Variants in CEP63 observed in about 807,000 individuals in gnomAD.
CEP63 encodes the protein centrosomal protein 63.
A neutral mutation model predicts 89.1 loss-of-function variants in CEP63; 84 were observed. The observed-to-expected ratio is 0.94, with a 90% CI of 0.79 to 1.13. CEP63 has a LOEUF of 1.13. Among genes scored for constraint, CEP63 ranks in the 50% most tolerant of loss-of-function variants. CEP63 has a pLI of 0.00. For synonymous variants in CEP63, 267 were observed against 272.5 expected (o/e 0.98, Z 0.20); for missense variants, 838 against 813.3 (o/e 1.03, Z -0.37).
intron 2 of CEP63, among the ~76,000 whole-genome samples, chr3:134,501,656 G>A (rs71331764): frequency 1.9e-3 from 295 of 152,132 alleles, no homozygotes; most frequent in South Asian, 8.3e-3. Context: ...TAGAAATGCT[G>A]CTGATTTTTG....
At chr3:134,745,836 C>A in the CEP63 span, among the ~76,000 whole-genome samples, 1 of 151,710 alleles carries the variant, frequency 6.6e-6, no homozygotes, top group Non-Finnish European at 1.5e-5. Context: ...CCAGCGTCAC[C>A]CATGTCCCTG....
At chr3:134,738,697 A>G in the CEP63 span, among the ~76,000 whole-genome samples, 1 of 152,110 alleles carries the variant, frequency 6.6e-6, no homozygotes, top group South Asian at 2.1e-4. Context: ...GTGCACAAAA[A>G]TCTCACAAAT....
the CEP63 span, among the ~76,000 whole-genome samples, chr3:134,674,322 T>C: frequency 6.6e-6 from 1 of 152,174 alleles, no homozygotes; most frequent in Non-Finnish European, 1.5e-5. Context: ...ACCATATTAA[T>C]AGAATAAGGA....
the CEP63 span, among the ~76,000 whole-genome samples, chr3:134,709,042 A>G: frequency 6.6e-6 from 1 of 152,178 alleles, no homozygotes; most frequent in Non-Finnish European, 1.5e-5. Context: ...TGTCCTGTGG[A>G]CACATATAAG....
chr3:134,651,483 C>A, the CEP63 span: 1 of 1,007,308 alleles, frequency 9.9e-7, no homozygotes, highest in Non-Finnish European at 1.2e-6. Context: ...AGCAAAGGGG[C>A]TCCAGATTGA....
chr3:134,679,016 A>G, the CEP63 span, among the ~76,000 whole-genome samples: 45,804 of 151,436 alleles, frequency 0.3, 7,533 homozygotes, highest in African/African-American at 0.44. Context: ...CTGGTGATGT[A>G]TAGACCCATT....
At chr3:134,745,797 C>G in the CEP63 span, among the ~76,000 whole-genome samples, 1 of 151,146 alleles carries the variant, frequency 6.6e-6, no homozygotes, top group South Asian at 2.1e-4. Flanking sequence ...AGTTTTCTGT[C>G]CTTGTGAGTT....
chr3:134,643,307 A>G, the CEP63 span: 2 of 1,613,586 alleles, frequency 1.2e-6, no homozygotes, highest in Admixed American at 3.3e-5. Flanking sequence ...CTAGCGGCGA[A>G]TCACTTACCT....
rs1487298037 is a variant in CEP63, at chr3:134,563,565, G to A, written c.*2030G>A. On this transcript the variant is annotated 3_prime_UTR_variant, in exon 15 of 15. Transcript: ENST00000675561. ...AGCTTCCCGAGTAGCTGGGATTACA[G>A]GCGCATGCCACCAGGCCCAGCTAAT... The A allele has an allele frequency of 6.6e-6, 1 of 152,266 alleles. No individual in the cohort carries two copies. Among genetic ancestry groups the A allele is most frequent in the Admixed American group, 6.5e-5 (1 of 15,276 alleles). The allele number at this position is 152,266 out of a possible 1,614,324, so 9.4% of individuals were successfully genotyped here.
intron 12 of CEP63, among the ~76,000 whole-genome samples, chr3:134,557,930 C>G (rs1956560501): frequency 6.6e-6 from 1 of 152,160 alleles, no homozygotes; most frequent in African/African-American, 2.4e-5. Context: ...CCTTGCCACA[C>G]AAGGAAGCCC....
chr3:134,730,902 C>T, the CEP63 span, among the ~76,000 whole-genome samples: 1 of 151,906 alleles, frequency 6.6e-6, no homozygotes, highest in Non-Finnish European at 1.5e-5. Context: ...GCAAGAGCTA[C>T]ATTGAAGTCA....
chr3:134,606,890 C>A, the CEP63 span: 1 of 982,848 alleles, frequency 1.0e-6, no homozygotes, highest in East Asian at 1.1e-4. Context: ...TATCTAGGTG[C>A]CCTCTTCCTT....
the CEP63 span, among the ~76,000 whole-genome samples, chr3:134,753,381 A>G: frequency 1.3e-5 from 2 of 152,132 alleles, no homozygotes; most frequent in Non-Finnish European, 2.9e-5. Context: ...GGGCCTTCCC[A>G]GCAAGCACTA....
At chr3:134,596,673 G>T in the CEP63 span, among the ~76,000 whole-genome samples, 2 of 152,188 alleles carry the variant, frequency 1.3e-5, no homozygotes, top group African/African-American at 4.8e-5. Flanking sequence ...AGTTTTCCCA[G>T]TGAAACACTT....
intron 2 of CEP63, among the ~76,000 whole-genome samples, chr3:134,499,036 G>GTA (rs1941104162): frequency 6.6e-6 from 1 of 152,170 alleles, no homozygotes; most frequent in Admixed American, 6.5e-5. Context: ...TGTCATCAGA[G>GTA]TAAAGGTGGC....
chr3:134,664,403 C>A, the CEP63 span, among the ~76,000 whole-genome samples: 1 of 152,196 alleles, frequency 6.6e-6, no homozygotes, highest in South Asian at 2.1e-4. Flanking sequence ...CCAGCCCAAA[C>A]CTGAACCTAG....
chr3:134,689,960 A>C, the CEP63 span, among the ~76,000 whole-genome samples: 1 of 152,210 alleles, frequency 6.6e-6, no homozygotes, highest in African/African-American at 2.4e-5. Flanking sequence ...GAATTTTTGC[A>C]TATCTACAGG....
chr3:134,634,748 G>A, the CEP63 span, among the ~76,000 whole-genome samples: 111 of 152,242 alleles, frequency 7.3e-4, 2 homozygotes, highest in Admixed American at 3.3e-4. Flanking sequence ...TGCAAAACTC[G>A]CATAGAGAGG....
chr3:134,650,919 C>T, the CEP63 span: 2 of 1,613,330 alleles, frequency 1.2e-6, no homozygotes, highest in Admixed American at 1.7e-5. Context: ...CGATCAGCAG[C>T]ATGTCGATAG....
Sources: allele counts gnomAD v4.1 joint callset (sites outside exome capture counted in the v4.1 genomes callset), GRCh38; gene constraint gnomAD v4.1.1; transcripts MANE v1.5; gene names NCBI Gene and HGNC (gene_info 2026-07-23, HGNC 2026-07-21).